Variants in GABRB1 observed in about 807,000 individuals in gnomAD.
The protein encoded by GABRB1 is gamma-aminobutyric acid receptor subunit beta-1.
Under a neutral mutation model 51.6 loss-of-function variants are expected in GABRB1, and 17 were observed. The observed-to-expected ratio is 0.33, with a 90% confidence interval of 0.23 to 0.49. The LOEUF (loss-of-function observed/expected upper bound fraction) is 0.49. GABRB1 is among the 20% of genes least tolerant of loss of function. The pLI is 0.99. For synonymous variants in GABRB1, 247 were observed against 218.9 expected, an observed-to-expected ratio of 1.13 and a Z score of -1.14; for missense variants, 410 against 600.6, an observed-to-expected ratio of 0.68 and a Z score of 3.32.
intron 5 of GABRB1, among the ~76,000 whole-genome samples, chr4:47,377,252 T>C (rs2110025019): frequency 6.6e-6 from 1 of 152,330 alleles, no homozygotes; most frequent in South Asian, 2.1e-4. Context: ...CAAGTGATTC[T>C]CCTGCCTCAG....
chr4:47,052,605 A>G (rs1361124074), intron 3 of GABRB1, among the ~76,000 whole-genome samples: 3 of 152,226 alleles, frequency 2.0e-5, no homozygotes, highest in Admixed American at 6.5e-5. Flanking sequence ...AATATGGTAG[A>G]TGGTGGAGTC....
rs572036383 is a variant in GABRB1 at position 47,377,586 on chromosome 4, C to A, written c.545-25732C>A. On this transcript the variant is annotated intron_variant, in intron 5 of 8. Coordinates refer to ENST00000295454, the MANE Select transcript of GABRB1 (RefSeq NM_000812.4). ...TCCATAGTCTGGAAGGGGACCCAAGCGGGTTGCCACTGTTGGCTCAGGCAG... is the reference window on the plus strand; with the variant it reads ...TCCATAGTCTGGAAGGGGACCCAAGAGGGTTGCCACTGTTGGCTCAGGCAG... Among the ~76,000 whole-genome samples, 4 of 152,076 alleles carry A rather than the reference C, an allele frequency of 2.6e-5. No individual in the cohort carries two copies. The East Asian group carries it at 5.8e-4, about 22-fold the overall frequency.
intron 4 of GABRB1, among the ~76,000 whole-genome samples, chr4:47,212,049 A>G (rs930437723): frequency 3.9e-5 from 6 of 152,156 alleles, no homozygotes; most frequent in African/African-American, 9.7e-5. Context: ...TTTAGGGACT[A>G]CTATTCAGCC....
intron 3 of GABRB1, among the ~76,000 whole-genome samples, chr4:47,123,317 TTA>T (rs964050512): frequency 1.5e-5 from 2 of 131,678 alleles, no homozygotes; most frequent in South Asian, 2.3e-4. Context: ...TTATATAATA[TTA>T]TATATATTAG....
intron 4 of GABRB1, among the ~76,000 whole-genome samples, chr4:47,279,150 TCATC>T (rs991970542): frequency 9.2e-5 from 14 of 151,512 alleles, no homozygotes; most frequent in African/African-American, 3.1e-4. Flanking sequence ...ATGGATGAAT[TCATC>T]CAGTCAGTCA....
chr4:47,349,434 T>C (rs1441920540), intron 5 of GABRB1, among the ~76,000 whole-genome samples: 1 of 152,196 alleles, frequency 6.6e-6, no homozygotes, highest in Non-Finnish European at 1.5e-5. Flanking sequence ...ATGGTTTCTC[T>C]TTCTGCAATT....
intron 3 of GABRB1, among the ~76,000 whole-genome samples, chr4:47,065,320 G>A (rs188724863): frequency 1.3e-3 from 203 of 152,308 alleles, no homozygotes; most frequent in Non-Finnish European, 2.2e-3. Context: ...ACCCAAATGG[G>A]CATTGTCTAT....
chr4:47,318,081 C>G (rs1724952829), intron 4 of GABRB1, among the ~76,000 whole-genome samples: 2 of 151,898 alleles, frequency 1.3e-5, no homozygotes. Flanking sequence ...TAAAGATAGG[C>G]AGATTGAGTT....
At chr4:47,204,858 T>A (rs1720051349) in intron 4 of GABRB1, among the ~76,000 whole-genome samples, 1 of 152,196 alleles carries the variant, frequency 6.6e-6, no homozygotes, top group South Asian at 2.1e-4. Flanking sequence ...GTCTCAGGTT[T>A]ATCTTTATCA....
chr4:47,223,199 T>A (rs1398621102), intron 4 of GABRB1, among the ~76,000 whole-genome samples: 1 of 152,146 alleles, frequency 6.6e-6, no homozygotes, highest in African/African-American at 2.4e-5. Context: ...AAAAGTTTTT[T>A]AATGTATTTT....
chr4:47,399,191 G>A (rs182062483), intron 5 of GABRB1, among the ~76,000 whole-genome samples: 4 of 152,068 alleles, frequency 2.6e-5, no homozygotes, highest in Admixed American at 6.5e-5. Flanking sequence ...TAATCATATG[G>A]GTTTTATTCT....
chr4:47,007,866 G>GTATATATATATATATATA (rs1165939097), intron 1 of GABRB1, among the ~76,000 whole-genome samples: 921 of 48,946 alleles, frequency 0.019, 42 homozygotes, highest in African/African-American at 0.031. Context: ...CTTGGAACTG[G>GTATATATATATATATATA]TATATATATA....
At chr4:47,113,753 C>A (rs1482781005) in intron 3 of GABRB1, among the ~76,000 whole-genome samples, 1 of 152,200 alleles carries the variant, frequency 6.6e-6, no homozygotes, top group Non-Finnish European at 1.5e-5. Flanking sequence ...AGAACACAAC[C>A]TGGCAACCAA....
chr4:47,164,038 A>T (rs1274988291), intron 4 of GABRB1, among the ~76,000 whole-genome samples: 2 of 151,984 alleles, frequency 1.3e-5, no homozygotes, highest in Non-Finnish European at 2.9e-5. Context: ...GAGAGAGAAT[A>T]CCAAGGGGGA....
At chr4:47,155,231 C>T (rs991928036) in intron 3 of GABRB1, among the ~76,000 whole-genome samples, 4 of 152,064 alleles carry the variant, frequency 2.6e-5, no homozygotes, top group East Asian at 1.9e-4. Flanking sequence ...CACAGCTCTA[C>T]TCTAATAGGC....
chr4:47,133,903 A>G (rs184129548), intron 3 of GABRB1, among the ~76,000 whole-genome samples: 30 of 152,304 alleles, frequency 2.0e-4, no homozygotes, highest in African/African-American at 7.0e-4. Context: ...TAAATATCCT[A>G]TTCCTCATCA....
chr4:47,064,641 C>CAAAAAAAAAAAAAAAAAA (rs33963952), intron 3 of GABRB1, among the ~76,000 whole-genome samples: 2 of 58,226 alleles, frequency 3.4e-5, no homozygotes, highest in African/African-American at 7.4e-5. Context: ...GACTCCATCT[C>CAAAAAAAAAAAAAAAAAA]AAAAAAAAAA....
intron 3 of GABRB1, among the ~76,000 whole-genome samples, chr4:47,125,945 T>C (rs1353550290): frequency 4.0e-5 from 6 of 149,380 alleles, no homozygotes; most frequent in Admixed American, 4.0e-4. Flanking sequence ...ATATATAATA[T>C]ATATATAAAT....
intron 5 of GABRB1, among the ~76,000 whole-genome samples, chr4:47,372,367 T>C (rs1012586760): frequency 6.6e-6 from 1 of 152,194 alleles, no homozygotes; most frequent in Non-Finnish European, 1.5e-5. Context: ...GCAACTTAGA[T>C]GAGTGGTTTA....
Sources: allele counts gnomAD v4.1 joint callset (sites outside exome capture counted in the v4.1 genomes callset), GRCh38; gene constraint gnomAD v4.1.1; transcripts MANE v1.5; gene names NCBI Gene and HGNC (gene_info 2026-07-23, HGNC 2026-07-21).